The following PCSK5 variants were observed in gnomAD, a reference collection of about 807,000 sequenced individuals.
PCSK5 encodes prohormone convertase 5.
In PCSK5, 129 loss-of-function variants were observed where a neutral mutation model predicts 233.2. The ratio of observed to expected loss-of-function variants is 0.55; its 90% CI spans 0.48 to 0.64. The LOEUF (loss-of-function observed/expected upper bound fraction) is 0.64. PCSK5 is among the 30% of genes least tolerant of loss of function. The pLI is 0.00. For missense variants in PCSK5, 2,076 were observed against 2,430.1 expected (o/e 0.85, Z 3.06); for synonymous variants, 825 against 879.2 (o/e 0.94, Z 1.09).
chr9:75,985,352 T>C (rs903497990), intron 2 of PCSK5, among the ~76,000 whole-genome samples: 1 of 152,176 alleles, frequency 6.6e-6, no homozygotes, highest in Non-Finnish European at 1.5e-5. Flanking sequence ...GTTTCTCCAA[T>C]AGAGCATGTT....
At chr9:76,289,145 CAAATGAGACAATAA>C (rs908842662) in intron 24 of PCSK5, among the ~76,000 whole-genome samples, 2 of 152,044 alleles carry the variant, frequency 1.3e-5, no homozygotes, top group African/African-American at 4.8e-5. Context: ...CCACCCCATA[CAAATGAGACAATAA>C]AAATGACTTT....
chr9:76,184,585 C>G, intron 16 of PCSK5, 88 bp from the exon 17 acceptor site: 1 of 781,056 alleles, frequency 1.3e-6, no homozygotes, highest in Non-Finnish European at 2.2e-6. Context: ...GGTACTGTAG[C>G]ATACATTAGC....
At chr9:76,003,451 A>G (rs1223210526) in intron 3 of PCSK5, among the ~76,000 whole-genome samples, 1 of 152,246 alleles carries the variant, frequency 6.6e-6, no homozygotes, top group Non-Finnish European at 1.5e-5. Context: ...AAAAATACAA[A>G]CAAGTTGAAA....
At chr9:76,078,703 G>A (rs1327714994) in intron 7 of PCSK5, among the ~76,000 whole-genome samples, 2 of 152,114 alleles carry the variant, frequency 1.3e-5, no homozygotes, top group South Asian at 4.1e-4. Flanking sequence ...ATGTACCAAT[G>A]TCATGCTGTT....
chr9:76,295,747 G>A (rs1828418715), intron 26 of PCSK5, among the ~76,000 whole-genome samples: 1 of 152,160 alleles, frequency 6.6e-6, no homozygotes, highest in East Asian at 1.9e-4. Flanking sequence ...TCTGACCCTT[G>A]TCTTGAGACT....
chr9:76,310,626 T>A, intron 29 of PCSK5, 30 bp from the exon 30 acceptor site: 1 of 1,450,358 alleles, frequency 6.9e-7, no homozygotes, highest in Non-Finnish European at 9.3e-7. Context: ...TGATGACTAT[T>A]CCCATCTTCC....
intron 7 of PCSK5, among the ~76,000 whole-genome samples, chr9:76,095,446 TC>T (rs1464829077): frequency 6.6e-6 from 1 of 152,212 alleles, no homozygotes; most frequent in Non-Finnish European, 1.5e-5. Flanking sequence ...CATATCTCAC[TC>T]TCTGGGTTCA....
At chr9:75,925,609 C>A (rs1322196775) in intron 1 of PCSK5, among the ~76,000 whole-genome samples, 1 of 152,092 alleles carries the variant, frequency 6.6e-6, no homozygotes, top group Non-Finnish European at 1.5e-5. Flanking sequence ...ATTGGGTGGT[C>A]ACAGAAAGCC....
intron 20 of PCSK5, among the ~76,000 whole-genome samples, chr9:76,199,663 G>A (rs1176256511): frequency 1.3e-5 from 2 of 152,080 alleles, no homozygotes; most frequent in Non-Finnish European, 2.9e-5. Context: ...GCAATATGTG[G>A]ATGTCTTCCT....
chr9:75,934,035 G>A (rs1823935561), intron 2 of PCSK5, among the ~76,000 whole-genome samples: 1 of 152,140 alleles, frequency 6.6e-6, no homozygotes, highest in Non-Finnish European at 1.5e-5. Flanking sequence ...GATCCTTCTT[G>A]TTATCTTGGG....
At chr9:76,099,293 G>A (rs565355247) in intron 8 of PCSK5, among the ~76,000 whole-genome samples, 4 of 152,220 alleles carry the variant, frequency 2.6e-5, no homozygotes, top group African/African-American at 9.6e-5. Flanking sequence ...CCCTCATGGA[G>A]TCTTGATTGC....
At chr9:76,032,440 A>G (rs1304808566) in intron 5 of PCSK5, among the ~76,000 whole-genome samples, 1 of 152,196 alleles carries the variant, frequency 6.6e-6, no homozygotes, top group African/African-American at 2.4e-5. Flanking sequence ...AAAACTATGC[A>G]AATCATCTCT....
In PCSK5 at chr9:76,338,438, C is replaced by A. The variant is rs770605376; in HGVS notation, c.4957C>A (p.Gln1653Lys). The A allele has an allele frequency of 3.9e-5, 63 of 1,608,224 alleles. No individual in the cohort carries two copies. In the East Asian group the frequency reaches 4.2e-4, roughly 11 times the overall value. Residue 1653 changes from glutamine to lysine, a missense_variant, in exon 35 of 38, where the codon CAA (glutamine) becomes AAA (lysine). Physicochemically the swap from Gln to Lys is moderately conservative, Grantham distance 53 (BLOSUM62 1). This residue lies in a region of PCSK5 where 1,510 missense variants were observed against 1,538.1 expected (regional missense o/e 0.98). Coordinates refer to ENST00000674117, the MANE Select transcript of PCSK5 (RefSeq NM_001372043.1). ...TCERCHPTCD[Q>K]CKGKGALNCL... Reference sequence around the variant, plus strand: ...TGAGAGATGCCATCCGACTTGTGATCAATGCAAAGGTGAGAGTCTACCTGT... The same window carrying A: ...TGAGAGATGCCATCCGACTTGTGATAAATGCAAAGGTGAGAGTCTACCTGT...
chr9:75,989,228 G>T (rs957805085), intron 3 of PCSK5, among the ~76,000 whole-genome samples: 3 of 152,154 alleles, frequency 2.0e-5, no homozygotes, highest in African/African-American at 7.2e-5. Context: ...ACATAAAAGT[G>T]TCTAGCTCTT....
At chr9:76,087,605 C>T (rs990406404) in intron 7 of PCSK5, among the ~76,000 whole-genome samples, 2 of 152,190 alleles carry the variant, frequency 1.3e-5, no homozygotes, top group African/African-American at 4.8e-5. Flanking sequence ...ATTAGGCTCT[C>T]TATTTTTTTG....
intron 30 of PCSK5, among the ~76,000 whole-genome samples, chr9:76,313,199 C>T (rs1828915654): frequency 6.6e-6 from 1 of 152,186 alleles, no homozygotes; most frequent in Non-Finnish European, 1.5e-5. Context: ...ACCTCTCTGG[C>T]ATTGAAGTCC....
chr9:76,246,381 C>T (rs1335870148), intron 24 of PCSK5, among the ~76,000 whole-genome samples: 1 of 147,142 alleles, frequency 6.8e-6, no homozygotes, highest in Non-Finnish European at 1.5e-5. Flanking sequence ...CCGTGAGATA[C>T]CATTTCTAAT....
Position 76,359,438 on chromosome 9 carries a change from A to G in PCSK5, c.*516A>G, listed in dbSNP as rs1164432779. 1 of 162,122 alleles carries G rather than the reference A, an allele frequency of 6.2e-6. No individual in the cohort carries two copies. The highest frequency in any genetic ancestry group is 5.8e-5 in the Admixed American group (1 of 17,388). The allele number at this position is 162,122 out of a possible 1,614,324, so 10.0% of individuals were successfully genotyped here. ...GCAGAAATTTGTTTTGTAAGGGCCA[A>G]GAAAAGAGGGCTCTTATCAATTGAC... On this transcript the variant is annotated 3_prime_UTR_variant, in exon 38 of 38. Coordinates refer to ENST00000674117, the MANE Select transcript of PCSK5 (RefSeq NM_001372043.1).
intron 1 of PCSK5, among the ~76,000 whole-genome samples, chr9:75,913,871 T>C (rs1018772894): frequency 4.6e-5 from 7 of 152,168 alleles, no homozygotes; most frequent in Non-Finnish European, 8.8e-5. Flanking sequence ...AAAAAAGGAA[T>C]GCCAAATTAT....
Sources: allele counts gnomAD v4.1 joint callset (sites outside exome capture counted in the v4.1 genomes callset), GRCh38; gene constraint gnomAD v4.1.1; regional missense constraint gnomAD v4.1.1; transcripts MANE v1.5; gene names NCBI Gene and HGNC (gene_info 2026-07-23, HGNC 2026-07-21).